Variants in PALM2AKAP2 observed in about 807,000 individuals in gnomAD.
PALM2AKAP2 encodes PALM2 and AKAP2 fusion.
In PALM2AKAP2, 37 loss-of-function variants were observed where a neutral mutation model predicts 71.5. The ratio of observed to expected loss-of-function variants is 0.52; its 90% CI spans 0.40 to 0.68. PALM2AKAP2 has a LOEUF of 0.68. Among genes scored for constraint, PALM2AKAP2 ranks in the 30% least tolerant of loss-of-function variants. The pLI, the probability that PALM2AKAP2 is intolerant of heterozygous loss-of-function variation, is 0.00. For missense variants in PALM2AKAP2, 1,224 were observed against 1,191.8 expected, an observed-to-expected ratio of 1.03 and a Z score of -0.40; for synonymous variants, 468 against 478.8, an observed-to-expected ratio of 0.98 and a Z score of 0.29.
chr9:109,977,803 G>T (rs1832197007), intron 6 of PALM2AKAP2, among the ~76,000 whole-genome samples: 1 of 152,078 alleles, frequency 6.6e-6, no homozygotes, highest in South Asian at 2.1e-4. Flanking sequence ...ATCCTTTCAG[G>T]CAGGCTCCAA....
chr9:109,897,741 A>C lies in PALM2AKAP2; in HGVS notation c.257+17060A>C, dbSNP rs534585771. Among the ~76,000 whole-genome samples, 14 of 152,372 alleles carry C rather than the reference A, an allele frequency of 9.2e-5. No individual in the cohort carries two copies. The East Asian group carries it at 9.6e-4, about 10-fold the overall frequency. On this transcript the variant is annotated intron_variant, in intron 3 of 9. Transcript: ENST00000302798. ...TCATGTAATTCTGAATTATGCTCCG[A>C]ATCATATTCACTTCATTCAATATGA...
At chr9:110,103,820 C>T (rs1835054203) in intron 1 of PALM2AKAP2, among the ~76,000 whole-genome samples, 1 of 152,308 alleles carries the variant, frequency 6.6e-6, no homozygotes, top group African/African-American at 2.4e-5. Flanking sequence ...TTAGATGGGC[C>T]TTTGTTCCCA....
chr9:110,068,971 C>G (rs10980173), intron 1 of PALM2AKAP2, among the ~76,000 whole-genome samples: 17,584 of 152,138 alleles, frequency 0.12, 1,071 homozygotes, highest in Middle Eastern at 0.22. Context: ...GAAATGAAAC[C>G]CTAGTGTAGG....
chr9:109,881,874 C>CTTTTTT (rs1829861981), intron 3 of PALM2AKAP2, among the ~76,000 whole-genome samples: 3 of 98,196 alleles, frequency 3.1e-5, no homozygotes, highest in African/African-American at 6.8e-5. Flanking sequence ...AGCTTATGAG[C>CTTTTTT]TCTTTTTTTT....
At position 110,168,252 on chromosome 9, in the gene PALM2AKAP2, C is replaced by T. The variant is rs78910955; in HGVS notation, c.2749-147C>T. ...ACCAGAACCTCCCATTCCCCTTTTT[C>T]CAGCGTCTCTCCTATCTCCCAGCAG... On this transcript the variant is annotated intron_variant, in intron 3 of 3. Transcript: ENST00000374525. 114 of 914,318 alleles carry T rather than the reference C, an allele frequency of 1.2e-4. No homozygotes were observed. The East Asian group carries it at 3.4e-3, about 27-fold the overall frequency. 56.6% of individuals were successfully genotyped at this position (914,318 alleles called of 1,614,324 possible).
chr9:110,136,170 A>T lies in PALM2AKAP2; in HGVS notation c.200A>T (p.Glu67Val). The T allele has an allele frequency of 1.9e-6, 3 of 1,605,082 alleles. No homozygotes were observed. In the South Asian group the frequency reaches 3.4e-5, roughly 18 times the overall value. The change falls in exon 2 of 4, where the codon GAG (glutamate) becomes GTG (valine). Residue 67 changes from glutamate to valine, a missense_variant. Glu to Val is a moderately radical substitution (Grantham distance 121). Transcript: ENST00000374525. ...GAGGATGATATCTGGCTAAAAAGCG[A>T]GGGAGACAACTATAGTGCCACCCTC... is the stretch of plus-strand genomic sequence containing the variant.
At chr9:110,150,508 A>AGTTCCC (rs1836283300) in intron 2 of PALM2AKAP2, among the ~76,000 whole-genome samples, 1 of 152,022 alleles carries the variant, frequency 6.6e-6, no homozygotes, top group African/African-American at 2.4e-5. Flanking sequence ...TGACCCTCCT[A>AGTTCCC]GTTCCCTCCT....
chr9:110,051,732 G>A (rs541904775), intron 1 of PALM2AKAP2, among the ~76,000 whole-genome samples: 1 of 152,282 alleles, frequency 6.6e-6, no homozygotes, highest in South Asian at 2.1e-4. Context: ...TAGAATTGAT[G>A]CTGTATCTTG....
rs987462484 is a variant in PALM2AKAP2, at chr9:109,672,058, G to T, written c.5+31192G>T. On this transcript the variant is annotated intron_variant, in intron 1 of 6. Transcript: ENST00000374531. Reference sequence around the variant, plus strand: ...ATCATGTTGTCTGCAAACAGGGATAGTTCAACTTCCTGTCTTCCTATATGG... The same window carrying T: ...ATCATGTTGTCTGCAAACAGGGATATTTCAACTTCCTGTCTTCCTATATGG... Among the ~76,000 whole-genome samples the T allele has an allele frequency of 4.6e-5, 7 of 152,206 alleles. No homozygotes were observed. The South Asian group carries it at 1.5e-3, about 32-fold the overall frequency.
chr9:109,921,861 T>A (rs970726962), intron 3 of PALM2AKAP2, among the ~76,000 whole-genome samples: 2 of 152,200 alleles, frequency 1.3e-5, no homozygotes, highest in Non-Finnish European at 2.9e-5. Flanking sequence ...GACAAATATT[T>A]CAGAGCTGTG....
At chr9:110,004,356 C>A (rs907155512) in intron 6 of PALM2AKAP2, among the ~76,000 whole-genome samples, 1 of 152,124 alleles carries the variant, frequency 6.6e-6, no homozygotes, top group African/African-American at 2.4e-5. Context: ...TGAATATTGG[C>A]CCCCACTCTC....
At chr9:109,644,687 G>T (rs1053685094) in intron 1 of PALM2AKAP2, among the ~76,000 whole-genome samples, 1 of 152,148 alleles carries the variant, frequency 6.6e-6, no homozygotes, top group Non-Finnish European at 1.5e-5. Context: ...GTCACCTCTT[G>T]AATGCTTTGC....
intron 1 of PALM2AKAP2, among the ~76,000 whole-genome samples, chr9:109,650,779 C>A (rs531516201): frequency 6.6e-6 from 1 of 152,222 alleles, no homozygotes; most frequent in East Asian, 1.9e-4. Flanking sequence ...TTCATTTCAG[C>A]GGCTTTGAGG....
At chr9:109,847,757 C>G (rs1013539435) in intron 1 of PALM2AKAP2, 1 of 141,974 alleles carries the variant, frequency 7.0e-6, no homozygotes, top group Non-Finnish European at 1.5e-5. Flanking sequence ...AAAAAAAAAT[C>G]TATTGTTTTA....
chr9:109,949,425 T>C (rs1041271152), intron 6 of PALM2AKAP2, among the ~76,000 whole-genome samples: 2 of 152,198 alleles, frequency 1.3e-5, no homozygotes, highest in African/African-American at 4.8e-5. Flanking sequence ...TAGGATGATA[T>C]GGGTGAGAAT....
chr9:110,094,706 T>A (rs1465348825), intron 1 of PALM2AKAP2, among the ~76,000 whole-genome samples: 1 of 152,026 alleles, frequency 6.6e-6, no homozygotes, highest in Non-Finnish European at 1.5e-5. Flanking sequence ...TCCAATCACT[T>A]CTCACCAGGC....
intron 7 of PALM2AKAP2, chr9:110,024,732 T>C: frequency 1.7e-6 from 1 of 588,856 alleles, no homozygotes. Flanking sequence ...TGCAGTGAGC[T>C]GTGATTGTGT....
intron 6 of PALM2AKAP2, among the ~76,000 whole-genome samples, chr9:110,007,466 A>G (rs1832806398): frequency 6.6e-6 from 1 of 152,214 alleles, no homozygotes; most frequent in East Asian, 1.9e-4. Flanking sequence ...TTTGTACAAC[A>G]TGATTCTTAG....
chr9:110,085,151 G>A (rs1322212217), intron 1 of PALM2AKAP2, among the ~76,000 whole-genome samples: 1 of 152,170 alleles, frequency 6.6e-6, no homozygotes, highest in African/African-American at 2.4e-5. Context: ...AGGAAAAATC[G>A]GAGGGAAGCA....
Sources: gnomAD v4.1 joint callset for allele counts (sites outside exome capture counted in the v4.1 genomes callset) on GRCh38, gnomAD v4.1.1 for gene constraint, MANE v1.5 for transcripts, NCBI Gene and HGNC (gene_info 2026-07-23, HGNC 2026-07-21) for gene names.